PLEKHG1: variants seen among roughly 807,000 people sequenced by gnomAD.
PLEKHG1 encodes pleckstrin homology domain-containing family G member 1.
PLEKHG1 carries 44 observed loss-of-function variants against 100.8 expected under a neutral mutation model. The observed-to-expected ratio is 0.44, with a 90% CI of 0.34 to 0.56. The LOEUF (loss-of-function observed/expected upper bound fraction) is 0.56, where lower values mean the gene tolerates loss of function less well. Ranked by LOEUF, PLEKHG1 falls within the 20% of genes least tolerant of loss-of-function variation. The pLI is 0.01. For synonymous variants in PLEKHG1, 640 were observed against 662.5 expected (o/e 0.97, Z 0.52); for missense variants, 1,545 against 1,720.9 (o/e 0.90, Z 1.81).
intron 2 of PLEKHG1, among the ~76,000 whole-genome samples, chr6:150,753,209 T>G (rs1783622737): frequency 6.6e-6 from 1 of 152,116 alleles, no homozygotes; most frequent in African/African-American, 2.4e-5. Flanking sequence ...CCCCGTAAAG[T>G]AGACCACTTT....
intron 4 of PLEKHG1, among the ~76,000 whole-genome samples, chr6:150,788,096 A>G (rs981513574): frequency 6.6e-6 from 1 of 152,264 alleles, no homozygotes; most frequent in African/African-American, 2.4e-5. Flanking sequence ...GCGTATGCTT[A>G]GCTCTCGCTT....
chr6:150,654,240 A>G (rs1778871734), intron 3 of PLEKHG1, among the ~76,000 whole-genome samples: 1 of 152,228 alleles, frequency 6.6e-6, no homozygotes, highest in Non-Finnish European at 1.5e-5. Flanking sequence ...TGTTCTTGCT[A>G]GCATTTCCTG....
intron 14 of PLEKHG1, among the ~76,000 whole-genome samples, chr6:150,829,935 G>C (rs1776818302): frequency 6.6e-6 from 1 of 152,116 alleles, no homozygotes; most frequent in Admixed American, 6.5e-5. Context: ...TGGCCCTAAA[G>C]CTCCTTAGAA....
At chr6:150,746,315 T>C (rs1309573329) in intron 2 of PLEKHG1, among the ~76,000 whole-genome samples, 3 of 152,194 alleles carry the variant, frequency 2.0e-5, no homozygotes, top group Non-Finnish European at 4.4e-5. Context: ...ATTCATGTTT[T>C]CAAAACAAAC....
chr6:150,622,150 A>T (rs1402580807), intron 1 of PLEKHG1, among the ~76,000 whole-genome samples: 1 of 152,198 alleles, frequency 6.6e-6, no homozygotes. Context: ...GAATGAGCCT[A>T]TCATGCTGTG....
rs752452889 is a variant in PLEKHG1, at chr6:150,819,725, G to T, written c.1359G>T (p.Leu453=). 1.9e-6 allele frequency: 3 copies of T among 1,612,924 alleles called. No individual in the cohort carries two copies. The South Asian group carries it at 3.3e-5, about 18-fold the overall frequency. ...GTCCTGAGGGAGGGACGAAAGCACT[G>T]TTCGGCTCTAAAGAAGGTTCTGCTC... Residue 453 remains leucine (L), a synonymous_variant, in exon 12 of 16, where the codon CTG becomes CTT. Coordinates refer to ENST00000358517, the Ensembl canonical transcript of PLEKHG1.
chr6:150,656,323 C>T (rs942074339), intron 3 of PLEKHG1, among the ~76,000 whole-genome samples: 1 of 151,866 alleles, frequency 6.6e-6, no homozygotes, highest in African/African-American at 2.4e-5. Context: ...ACCTTTGGAA[C>T]GAGGAAGGAA....
At chr6:150,804,079 T>TC (rs1354100122) in intron 6 of PLEKHG1, among the ~76,000 whole-genome samples, 4 of 146,142 alleles carry the variant, frequency 2.7e-5, no homozygotes, top group Non-Finnish European at 6.0e-5. Context: ...TTTTTTTTTT[T>TC]CCCCTTGTCT....
chr6:150,735,067 A>G (rs142125446), intron 2 of PLEKHG1, among the ~76,000 whole-genome samples: 1,744 of 143,726 alleles, frequency 0.012, 34 homozygotes, highest in African/African-American at 0.043. Flanking sequence ...GCTTACCACA[A>G]CCTCCGCCTC....
At chr6:150,777,412 TACTC>T (rs563894499) in intron 3 of PLEKHG1, among the ~76,000 whole-genome samples, 62 of 135,742 alleles carry the variant, frequency 4.6e-4, no homozygotes, top group African/African-American at 1.7e-3. Flanking sequence ...GGTTGCACAT[TACTC>T]ACACTGATGC....
chr6:150,835,645 C>G (rs1218186749), intron 15 of PLEKHG1, among the ~76,000 whole-genome samples: 1 of 152,136 alleles, frequency 6.6e-6, no homozygotes, highest in Non-Finnish European at 1.5e-5. Flanking sequence ...TAATACTAAG[C>G]TTTTTAGGCC....
chr6:150,664,932 A>G (rs113272506), intron 3 of PLEKHG1, among the ~76,000 whole-genome samples: 87 of 152,334 alleles, frequency 5.7e-4, no homozygotes, highest in African/African-American at 2.0e-3. Context: ...GGATTTAGAC[A>G]TAGGCTGTGG....
At chr6:150,823,146 C>T (rs73615043) in intron 13 of PLEKHG1, among the ~76,000 whole-genome samples, 3,369 of 152,190 alleles carry the variant, frequency 0.022, 126 homozygotes, top group African/African-American at 0.075. Context: ...AAAGGGGAGA[C>T]ACCCATAATT....
intron 3 of PLEKHG1, among the ~76,000 whole-genome samples, chr6:150,653,303 T>G (rs989281124): frequency 6.6e-6 from 1 of 152,122 alleles, no homozygotes; most frequent in Non-Finnish European, 1.5e-5. Context: ...TTGTAAAATT[T>G]AATATTTTTT....
chr6:150,728,188 A>C (rs954339599), intron 1 of PLEKHG1, among the ~76,000 whole-genome samples: 2 of 152,260 alleles, frequency 1.3e-5, no homozygotes, highest in African/African-American at 4.8e-5. Flanking sequence ...AGGTAAATTT[A>C]AATCTTCAAG....
chr6:150,705,836 C>T (rs149782080), intron 3 of PLEKHG1, among the ~76,000 whole-genome samples: 2 of 152,178 alleles, frequency 1.3e-5, no homozygotes, highest in African/African-American at 4.8e-5. Context: ...AAAGTTTTAT[C>T]TCTGGGGTTC....
intron 3 of PLEKHG1, among the ~76,000 whole-genome samples, chr6:150,670,651 C>T (rs761279991): frequency 1.3e-5 from 2 of 152,148 alleles, no homozygotes; most frequent in African/African-American, 2.4e-5. Flanking sequence ...AGTGGGGAAA[C>T]CCTGGGCCAC....
intron 3 of PLEKHG1, among the ~76,000 whole-genome samples, chr6:150,702,469 CA>C (rs11424911): frequency 8.9e-5 from 13 of 145,730 alleles, no homozygotes; most frequent in South Asian, 6.6e-4. Flanking sequence ...GACTCCGTCT[CA>C]AAAAAAAAAA....
chr6:150,832,236 A>C (rs1285552072), intron 15 of PLEKHG1, 31 bp downstream of exon 16: 1 of 1,516,938 alleles, frequency 6.6e-7, no homozygotes, highest in Non-Finnish European at 8.8e-7. Context: ...TTCCTTCTCC[A>C]AAGTAAGAGG....
Sources: allele counts gnomAD v4.1 joint callset (sites outside exome capture counted in the v4.1 genomes callset), GRCh38; gene constraint gnomAD v4.1.1; transcripts MANE v1.5; gene names NCBI Gene and HGNC (gene_info 2026-07-23, HGNC 2026-07-21).